Variants in ARSG observed in about 807,000 individuals in gnomAD.
The protein encoded by ARSG is arylsulfatase G.
A neutral mutation model predicts 50.5 loss-of-function variants in ARSG; 37 were observed. The observed-to-expected ratio is 0.73, with a 90% CI of 0.56 to 0.96. ARSG has a LOEUF of 0.96. ARSG is among the 50% of genes least tolerant of loss of function. The probability of loss-of-function intolerance (pLI) is 0.00; values close to 1 mark genes in which losing one functional copy is unlikely to be tolerated. For synonymous variants in ARSG, 225 were observed against 254.6 expected (o/e 0.88, Z 1.11); for missense variants, 629 against 675.3 (o/e 0.93, Z 0.76).
At chr17:68,292,438 G>A (rs1599587362) in intron 1 of ARSG, among the ~76,000 whole-genome samples, 1 of 152,218 alleles carries the variant, frequency 6.6e-6, no homozygotes, top group South Asian at 2.1e-4. Context: ...TCAGATCCTA[G>A]ACATTTCAGA....
At chr17:68,325,405 T>C (rs1192733740) in intron 2 of ARSG, among the ~76,000 whole-genome samples, 4 of 152,138 alleles carry the variant, frequency 2.6e-5, no homozygotes, top group Admixed American at 6.5e-5. Flanking sequence ...TGTGTAATTA[T>C]TTCATTATAT....
chr17:68,393,867 C>CAAAAAAAAAAAAA (rs762829963), intron 9 of ARSG, among the ~76,000 whole-genome samples: 10 of 106,216 alleles, frequency 9.4e-5, no homozygotes, highest in African/African-American at 3.6e-4. Context: ...GACTCCATCT[C>CAAAAAAAAAAAAA]AAAAAAAAAA....
At chr17:68,411,029 T>G (rs1174401631) in intron 11 of ARSG, among the ~76,000 whole-genome samples, 1 of 152,226 alleles carries the variant, frequency 6.6e-6, no homozygotes, top group Admixed American at 6.5e-5. Context: ...TCTTTATTTG[T>G]CTTGCTAGCG....
At chr17:68,341,622 G>C (rs558371250) in intron 2 of ARSG, among the ~76,000 whole-genome samples, 26 of 152,230 alleles carry the variant, frequency 1.7e-4, no homozygotes, top group African/African-American at 6.0e-4. Flanking sequence ...ATGTCCTGTG[G>C]CTCTATTCAT....
chr17:68,272,652 A>T, intron 1 of ARSG: 1 of 1,614,118 alleles, frequency 6.2e-7, no homozygotes, highest in South Asian at 1.1e-5. Flanking sequence ...GTGCGAAAGC[A>T]AACACAGCGA....
At chr17:68,300,395 A>G (rs147722552) in intron 1 of ARSG, among the ~76,000 whole-genome samples, 4 of 152,342 alleles carry the variant, frequency 2.6e-5, no homozygotes, top group African/African-American at 7.2e-5. Flanking sequence ...GTGTTTGACA[A>G]CTTCCATAAT....
chr17:68,392,588 C>T (rs1333155821), intron 9 of ARSG, among the ~76,000 whole-genome samples: 1 of 152,228 alleles, frequency 6.6e-6, no homozygotes, highest in Non-Finnish European at 1.5e-5. Flanking sequence ...CAACCTCCAC[C>T]TCCCAGGTTC....
the ARSG span, among the ~76,000 whole-genome samples, chr17:68,447,502 C>A: frequency 6.6e-6 from 1 of 152,158 alleles, no homozygotes; most frequent in Admixed American, 6.5e-5. Flanking sequence ...CTGCCTCAGC[C>A]TCCCAAGTAG....
At position 68,394,541 on chromosome 17, in the gene ARSG, C is replaced by T. The variant is rs368745455; in HGVS notation, c.1092-532C>T. Among the ~76,000 whole-genome samples the T allele has an allele frequency of 5.7e-4, 87 of 152,070 alleles. 1 individual carries two copies. Among genetic ancestry groups the T allele is most frequent in the African/African-American group, 1.9e-3 (80 of 41,470 alleles). The stretch of plus-strand genomic sequence containing the variant: ...AGTCCCAGCTACTCTTGGAGTCAGA[C>T]GAGTATTACTTCAGCCCAGGAGTTC... On this transcript the variant is annotated intron_variant, in intron 9 of 11. Transcript: ENST00000621439.
At chr17:68,366,369 G>A (rs1322575709) in intron 6 of ARSG, among the ~76,000 whole-genome samples, 4 of 152,102 alleles carry the variant, frequency 2.6e-5, no homozygotes, top group African/African-American at 4.8e-5. Flanking sequence ...ACTGCAATAT[G>A]GAATCTACCT....
At chr17:68,343,511 A>G (rs2078367936) in intron 2 of ARSG, 93 bp from the exon 3 acceptor site, 3 of 1,217,662 alleles carry the variant, frequency 2.5e-6, no homozygotes, top group Non-Finnish European at 3.4e-6. Context: ...ATCTTTGAGC[A>G]CTGAAATTGC....
At chr17:68,371,396 G>A (rs1772653277) in intron 8 of ARSG, among the ~76,000 whole-genome samples, 2 of 152,136 alleles carry the variant, frequency 1.3e-5, no homozygotes, top group East Asian at 3.9e-4. Flanking sequence ...TTGTGAGGAG[G>A]GAGCCAGGTT....
intron 2 of ARSG, among the ~76,000 whole-genome samples, chr17:68,329,933 G>A (rs1374520333): frequency 5.9e-5 from 9 of 152,198 alleles, no homozygotes; most frequent in East Asian, 3.8e-4. Context: ...AAAGACGCTG[G>A]GTGTGGTGGC....
At chr17:68,330,105 G>A (rs767220210) in intron 2 of ARSG, among the ~76,000 whole-genome samples, 9 of 152,154 alleles carry the variant, frequency 5.9e-5, no homozygotes, top group Non-Finnish European at 1.2e-4. Flanking sequence ...AGCTACTTGG[G>A]AGGCTGAGGC....
chr17:68,281,178 T>C lies in ARSG; in HGVS notation c.-552+21752T>C, dbSNP rs111860834. On this transcript the variant is annotated intron_variant, in intron 1 of 11. Transcript: ENST00000448504. ...CAACCCACAGAAGGGTAGACAATAT[T>C]TGCAAACTATTCATCTGACAGGGGA... Among the ~76,000 whole-genome samples, 298 of 151,236 alleles carry C rather than the reference T, an allele frequency of 2.0e-3. 1 individual carries two copies. The highest frequency in any genetic ancestry group is 5.7e-3 in the African/African-American group (236 of 41,250).
At chr17:68,284,608 G>C (rs1249604412) in intron 1 of ARSG, among the ~76,000 whole-genome samples, 1 of 152,086 alleles carries the variant, frequency 6.6e-6, no homozygotes, top group African/African-American at 2.4e-5. Flanking sequence ...CTATCCAACA[G>C]ACTTGCTGGT....
the ARSG span, among the ~76,000 whole-genome samples, chr17:68,429,841 G>A: frequency 6.6e-6 from 1 of 152,094 alleles, no homozygotes; most frequent in Non-Finnish European, 1.5e-5. Flanking sequence ...TGCCTGCCTT[G>A]GCCTCCCAAG....
intron 1 of ARSG, among the ~76,000 whole-genome samples, chr17:68,297,104 G>T (rs1346240428): frequency 1.3e-5 from 2 of 152,220 alleles, no homozygotes; most frequent in Admixed American, 1.3e-4. Flanking sequence ...CCCTGGAGTT[G>T]TAGATCTTTC....
chr17:68,444,433 T>G, the ARSG span: 39 of 1,490,490 alleles, frequency 2.6e-5, no homozygotes, highest in Non-Finnish European at 3.3e-5. Context: ...AAATAAAGCT[T>G]GGGAAAGAAG....
Sources: gnomAD v4.1 joint callset for allele counts (sites outside exome capture counted in the v4.1 genomes callset) on GRCh38, gnomAD v4.1.1 for gene constraint, MANE v1.5 for transcripts, NCBI Gene and HGNC (gene_info 2026-07-23, HGNC 2026-07-21) for gene names.